IMMP2L: variants seen among roughly 807,000 people sequenced by gnomAD.
IMMP2L encodes mitochondrial inner membrane protease subunit 2.
In IMMP2L, 18 loss-of-function variants were observed where a neutral mutation model predicts 19.3. The observed-to-expected ratio is 0.93, with a 90% CI of 0.64 to 1.38. The LOEUF (loss-of-function observed/expected upper bound fraction) is 1.38, where lower values mean the gene tolerates loss of function less well. IMMP2L is among the 40% of genes most tolerant of loss of function. The pLI is 0.00. For missense variants in IMMP2L, 233 were observed against 218.2 expected, an observed-to-expected ratio of 1.07 and a Z score of -0.43; for synonymous variants, 76 against 73.0, an observed-to-expected ratio of 1.04 and a Z score of -0.21.
chr7:110,897,296 G>T (rs1811421950), intron 4 of IMMP2L, among the ~76,000 whole-genome samples: 1 of 152,034 alleles, frequency 6.6e-6, no homozygotes, highest in Non-Finnish European at 1.5e-5. Context: ...ATAATGAAAT[G>T]ATTTTTAAAA....
chr7:111,207,628 C>T lies in IMMP2L; in HGVS notation c.240-244063G>A, dbSNP rs557551340. Among the ~76,000 whole-genome samples, 5 of 149,056 alleles carry T rather than the reference C, an allele frequency of 3.4e-5. No homozygotes were observed. In the East Asian group the frequency reaches 6.0e-4, roughly 18 times the overall value. On this transcript the variant is annotated intron_variant, in intron 3 of 5. Transcript: ENST00000405709. ...ATCCCTCACTGCAACCTCAGCCTTC[C>T]GGGTTCAAGCGATTCTACTGCCTCA...
chr7:111,178,387 G>A (rs1319772047), intron 3 of IMMP2L, among the ~76,000 whole-genome samples: 3 of 152,020 alleles, frequency 2.0e-5, no homozygotes, highest in Admixed American at 2.0e-4. Context: ...TATGTTGATG[G>A]CTGCTGACTA....
chr7:111,336,016 A>G (rs1183833746), intron 3 of IMMP2L, among the ~76,000 whole-genome samples: 2 of 151,974 alleles, frequency 1.3e-5, no homozygotes, highest in African/African-American at 2.4e-5. Context: ...TGTTTTGTCA[A>G]AAAAATGGTT....
Position 111,115,267 on chromosome 7 carries a change from G to GA in IMMP2L, c.240-151703dup, listed in dbSNP as rs371012291. Reference sequence around the variant, plus strand: ...CCAGTATATGGTGTGATGCTTATAGGAAAAAATATAAGCATCAAGAGACAA... The same window carrying GA: ...CCAGTATATGGTGTGATGCTTATAGGAAAAAAATATAAGCATCAAGAGACAA... On this transcript the variant is annotated intron_variant, in intron 3 of 5. Transcript: ENST00000405709. Among the ~76,000 whole-genome samples the GA allele has an allele frequency of 5.5e-3, 842 of 152,042 alleles. 10 individuals are homozygous for GA. The highest frequency in any genetic ancestry group is 0.019 in the African/African-American group (784 of 41,500).
chr7:111,044,308 C>G (rs537745926), intron 3 of IMMP2L, among the ~76,000 whole-genome samples: 1 of 152,116 alleles, frequency 6.6e-6, no homozygotes, highest in African/African-American at 2.4e-5. Flanking sequence ...GCCTGTAATC[C>G]CAGAGCTTTG....
intron 1 of IMMP2L, among the ~76,000 whole-genome samples, chr7:111,530,141 T>C (rs542032784): frequency 2.0e-5 from 3 of 152,288 alleles, no homozygotes; most frequent in Non-Finnish European, 2.9e-5. Context: ...AGTGTGGAAA[T>C]TACTTTATCT....
At chr7:111,315,167 A>G (rs1466897791) in intron 3 of IMMP2L, among the ~76,000 whole-genome samples, 1 of 152,146 alleles carries the variant, frequency 6.6e-6, no homozygotes, top group African/African-American at 2.4e-5. Flanking sequence ...ATCTTATACA[A>G]CCAACCAGGA....
intron 3 of IMMP2L, among the ~76,000 whole-genome samples, chr7:111,156,995 A>C (rs1046149823): frequency 6.6e-6 from 1 of 152,148 alleles, no homozygotes; most frequent in Non-Finnish European, 1.5e-5. Context: ...ACTGATCAAC[A>C]GAGAAATGCA....
chr7:111,292,844 C>G (rs917125150), intron 3 of IMMP2L, among the ~76,000 whole-genome samples: 2 of 151,794 alleles, frequency 1.3e-5, no homozygotes, highest in African/African-American at 4.8e-5. Flanking sequence ...CTGCATAATA[C>G]TATATATATT....
At chr7:110,918,253 A>C (rs930314040) in intron 4 of IMMP2L, among the ~76,000 whole-genome samples, 1 of 152,144 alleles carries the variant, frequency 6.6e-6, no homozygotes, top group Non-Finnish European at 1.5e-5. Flanking sequence ...TGTTGATGAT[A>C]TTTAAGAAAA....
At chr7:111,024,822 C>T (rs1826654285) in intron 3 of IMMP2L, among the ~76,000 whole-genome samples, 2 of 152,082 alleles carry the variant, frequency 1.3e-5, no homozygotes, top group African/African-American at 4.8e-5. Context: ...AGAGAAGATA[C>T]CCCTGACTTT....
At chr7:110,699,641 C>T (rs11981660) in intron 5 of IMMP2L, among the ~76,000 whole-genome samples, 20,118 of 151,744 alleles carry the variant, frequency 0.13, 2,965 homozygotes, top group African/African-American at 0.37. Context: ...CATGGTGGTG[C>T]GCACCTGTAA....
At chr7:110,918,435 A>C (rs1422765418) in intron 4 of IMMP2L, among the ~76,000 whole-genome samples, 4 of 149,302 alleles carry the variant, frequency 2.7e-5, no homozygotes. Context: ...ATAAATAGGA[A>C]TTTCTTTTCT....
In IMMP2L at chr7:111,146,754, A is replaced by T. The variant is rs559477370; in HGVS notation, c.240-183189T>A. Among the ~76,000 whole-genome samples the T allele has an allele frequency of 7.0e-4, 107 of 152,252 alleles. 1 individual carries two copies. The highest frequency in any genetic ancestry group is 2.5e-3 in the African/African-American group (102 of 41,562). ...GGATGAAAAAGGGAATTAAGAAAGAAACGTTTTGAAAAAAACAAATCGATA... is the reference window on the plus strand; with the variant it reads ...GGATGAAAAAGGGAATTAAGAAAGATACGTTTTGAAAAAAACAAATCGATA... On this transcript the variant is annotated intron_variant, in intron 3 of 5. Transcript: ENST00000405709.
At chr7:111,090,284 A>G (rs1434350626) in intron 3 of IMMP2L, among the ~76,000 whole-genome samples, 1 of 152,146 alleles carries the variant, frequency 6.6e-6, no homozygotes, top group Non-Finnish European at 1.5e-5. Flanking sequence ...CCTGGGAAAT[A>G]TCCTTTCAGA....
intron 5 of IMMP2L, among the ~76,000 whole-genome samples, chr7:110,878,572 T>C (rs1479117593): frequency 6.6e-6 from 1 of 152,092 alleles, no homozygotes; most frequent in Non-Finnish European, 1.5e-5. Context: ...ATTTAAATTA[T>C]CTATACTAAA....
intron 3 of IMMP2L, among the ~76,000 whole-genome samples, chr7:111,114,536 G>A (rs185823829): frequency 8.8e-4 from 134 of 152,120 alleles, no homozygotes; most frequent in African/African-American, 3.2e-3. Flanking sequence ...AGGAGTTTGA[G>A]ACCAGCCTGG....
intron 3 of IMMP2L, among the ~76,000 whole-genome samples, chr7:111,183,874 T>C (rs1807982826): frequency 1.3e-5 from 2 of 152,092 alleles, no homozygotes; most frequent in Admixed American, 1.3e-4. Flanking sequence ...GGAATTTAAC[T>C]GATAACGGCT....
chr7:111,306,612 G>C (rs1167107146), intron 3 of IMMP2L, among the ~76,000 whole-genome samples: 1 of 10,580 alleles, frequency 9.5e-5, no homozygotes, highest in Non-Finnish European at 2.1e-4. Flanking sequence ...GACTCTGTGT[G>C]TGTGTGTGTG....
Sources: gnomAD v4.1 joint callset for allele counts (sites outside exome capture counted in the v4.1 genomes callset) on GRCh38, gnomAD v4.1.1 for gene constraint, MANE v1.5 for transcripts, NCBI Gene and HGNC (gene_info 2026-07-23, HGNC 2026-07-21) for gene names.